Variants in RAB30 observed in about 807,000 individuals in gnomAD.
The protein encoded by RAB30 is ras-related protein Rab-30.
A neutral mutation model predicts 25.1 loss-of-function variants in RAB30; 9 were observed. The observed-to-expected ratio is 0.36, with a 90% confidence interval of 0.22 to 0.63. The LOEUF (loss-of-function observed/expected upper bound fraction) is 0.63. Among genes scored for constraint, RAB30 ranks in the 20% least tolerant of loss-of-function variants. The pLI is 0.69. For missense variants in RAB30, 140 were observed against 243.5 expected, an observed-to-expected ratio of 0.58 and a Z score of 2.83; for synonymous variants, 77 against 86.4, an observed-to-expected ratio of 0.89 and a Z score of 0.60.
intron 1 of RAB30, among the ~76,000 whole-genome samples, chr11:83,043,241 C>A (rs1352415804): frequency 1.3e-5 from 2 of 152,168 alleles, no homozygotes; most frequent in Non-Finnish European, 2.9e-5. Flanking sequence ...CCTGTTCTAG[C>A]CTGTTCTAGA....
chr11:82,987,142 G>A (rs1856753569), intron 4 of RAB30: 1 of 152,616 alleles, frequency 6.6e-6, no homozygotes, highest in African/African-American at 2.4e-5. Context: ...GATTCTTTCT[G>A]AAACACAGAA....
chr11:82,998,878 A>T (rs1857016669), intron 1 of RAB30, among the ~76,000 whole-genome samples: 1 of 152,124 alleles, frequency 6.6e-6, no homozygotes, highest in Non-Finnish European at 1.5e-5. Flanking sequence ...CGTCAGGGTC[A>T]CTCCTACCAG....
intron 1 of RAB30, among the ~76,000 whole-genome samples, chr11:83,020,139 CG>C (rs1857535383): frequency 1.3e-5 from 2 of 152,242 alleles, no homozygotes; most frequent in South Asian, 4.1e-4. Context: ...TCCCACTCCA[CG>C]GAGCAGGTAG....
intron 1 of RAB30, among the ~76,000 whole-genome samples, chr11:83,009,754 G>C (rs148957613): frequency 6.6e-6 from 1 of 152,280 alleles, no homozygotes; most frequent in African/African-American, 2.4e-5. Context: ...AACAGGTGAA[G>C]TAGAAAGAGG....
Position 82,979,735 on chromosome 11 carries a change from A to T in RAB30, c.*2430T>A, listed in dbSNP as rs1200117375. Reference sequence around the variant, plus strand: ...TAATCTGGAATTCATACAACTAAGAAAAAAAGAAACAAAGTCCCACATTCT... The same window carrying T: ...TAATCTGGAATTCATACAACTAAGATAAAAAGAAACAAAGTCCCACATTCT... On this transcript the variant is annotated 3_prime_UTR_variant, in exon 5 of 5. Transcript: ENST00000527633. The T allele has an allele frequency of 6.6e-6, 1 of 152,214 alleles. No individual in the cohort carries two copies. The highest frequency in any genetic ancestry group is 1.9e-4 in the East Asian group (1 of 5,204). 9.4% of individuals were successfully genotyped at this position (152,214 alleles called of 1,614,324 possible).
chr11:82,992,706 TTC>T (rs1166793044), intron 3 of RAB30, among the ~76,000 whole-genome samples: 4 of 141,706 alleles, frequency 2.8e-5, no homozygotes, highest in Non-Finnish European at 6.2e-5. Flanking sequence ...TCCCCCAGCC[TTC>T]TCTCTCTCTT....
chr11:83,009,166 T>C (rs527445778), intron 1 of RAB30, among the ~76,000 whole-genome samples: 2 of 151,860 alleles, frequency 1.3e-5, no homozygotes, highest in African/African-American at 4.8e-5. Flanking sequence ...CACCCCAGGT[T>C]CAAGCAATTC....
chr11:83,059,345 C>T (rs930948072), intron 1 of RAB30, among the ~76,000 whole-genome samples: 2 of 152,132 alleles, frequency 1.3e-5, no homozygotes, highest in African/African-American at 2.4e-5. Context: ...TTTAATATAT[C>T]CTTGGAGATT....
At chr11:83,035,805 C>T (rs1857974990) in intron 1 of RAB30, 1 of 152,264 alleles carries the variant, frequency 6.6e-6, no homozygotes, top group South Asian at 2.1e-4. Context: ...ACAGCTGACA[C>T]CCTGGGTTAG....
intron 3 of RAB30, among the ~76,000 whole-genome samples, chr11:82,988,140 A>T (rs1189059089): frequency 6.6e-6 from 1 of 152,204 alleles, no homozygotes; most frequent in African/African-American, 2.4e-5. Context: ...TCCTCACAGT[A>T]ACCCTATGAG....
chr11:83,004,831 G>T (rs186428924), intron 1 of RAB30, among the ~76,000 whole-genome samples: 54 of 152,100 alleles, frequency 3.6e-4, no homozygotes, highest in Non-Finnish European at 7.4e-4. Flanking sequence ...GCTGTGTTCA[G>T]TAAGTGTACA....
At chr11:82,998,589 T>C (rs542228608) in intron 1 of RAB30, among the ~76,000 whole-genome samples, 33 of 149,428 alleles carry the variant, frequency 2.2e-4, no homozygotes, top group African/African-American at 7.7e-4. Flanking sequence ...CATAAAGCCC[T>C]ATCCTGGTAA....
chr11:83,029,881 T>C (rs1254992118), intron 1 of RAB30, among the ~76,000 whole-genome samples: 1 of 152,150 alleles, frequency 6.6e-6, no homozygotes, highest in Non-Finnish European at 1.5e-5. Context: ...TAGAATAATG[T>C]CTTTTGCAGC....
chr11:83,066,644 G>A (rs1384104195), intron 1 of RAB30, among the ~76,000 whole-genome samples: 2 of 152,202 alleles, frequency 1.3e-5, no homozygotes, highest in African/African-American at 2.4e-5. Context: ...TCCGCCTCCT[G>A]GGTTGAAGTG....
At chr11:83,015,502 G>A (rs1336661194) in intron 1 of RAB30, among the ~76,000 whole-genome samples, 2 of 152,218 alleles carry the variant, frequency 1.3e-5, no homozygotes, top group Admixed American at 1.3e-4. Flanking sequence ...TGAATCAAGA[G>A]TCCTCTTTTG....
At chr11:82,997,020 C>T (rs1856973531) in intron 2 of RAB30, among the ~76,000 whole-genome samples, 1 of 152,146 alleles carries the variant, frequency 6.6e-6, no homozygotes, top group Admixed American at 6.5e-5. Context: ...TGGAGACTCC[C>T]AGGGCCATGC....
At chr11:83,026,428 G>A (rs866849312) in intron 1 of RAB30, among the ~76,000 whole-genome samples, 10 of 152,084 alleles carry the variant, frequency 6.6e-5, no homozygotes, top group African/African-American at 2.2e-4. Flanking sequence ...TTCTGGCTCC[G>A]GTAGTTCATG....
intron 1 of RAB30, among the ~76,000 whole-genome samples, chr11:83,037,881 C>T (rs1413266686): frequency 1.3e-5 from 2 of 152,060 alleles, no homozygotes; most frequent in African/African-American, 4.8e-5. Flanking sequence ...AACAGGGGTT[C>T]CACTTACTTC....
chr11:83,027,926 C>A (rs1188986761), intron 1 of RAB30, among the ~76,000 whole-genome samples: 2 of 152,142 alleles, frequency 1.3e-5, no homozygotes, highest in African/African-American at 4.8e-5. Flanking sequence ...TGAGTGACTT[C>A]TTTCACTTAG....
Sources: allele counts gnomAD v4.1 joint callset (sites outside exome capture counted in the v4.1 genomes callset), GRCh38; gene constraint gnomAD v4.1.1; transcripts MANE v1.5; gene names NCBI Gene and HGNC (gene_info 2026-07-23, HGNC 2026-07-21).